Variants in ANTXR2 observed in about 807,000 individuals in gnomAD.
ANTXR2 encodes the protein anthrax toxin receptor 2.
A neutral mutation model predicts 73.7 loss-of-function variants in ANTXR2; 44 were observed. The observed-to-expected ratio is 0.60, with a 90% CI of 0.47 to 0.77. The LOEUF (loss-of-function observed/expected upper bound fraction) is 0.77. Ranked by LOEUF, ANTXR2 falls within the 30% of genes least tolerant of loss-of-function variation. The pLI is 0.00. For missense variants in ANTXR2, 604 were observed against 592.5 expected, an observed-to-expected ratio of 1.02 and a Z score of -0.20; for synonymous variants, 217 against 205.9, an observed-to-expected ratio of 1.05 and a Z score of -0.46.
chr4:80,007,431 GATTGCTTGAA>G (rs1236542018), intron 12 of ANTXR2, among the ~76,000 whole-genome samples: 1 of 152,054 alleles, frequency 6.6e-6, no homozygotes, highest in African/African-American at 2.4e-5. Context: ...ATCTAAATTG[GATTGCTTGAA>G]ATGTGTAGAA....
In ANTXR2 at chr4:79,915,169, G is replaced by A. The variant is rs574208429; in HGVS notation, c.1429-7702C>T. Among the ~76,000 whole-genome samples, 62 of 152,208 alleles carry A rather than the reference G, an allele frequency of 4.1e-4. 1 individual carries two copies. In the South Asian group the frequency reaches 0.013, roughly 31 times the overall value. On this transcript the variant is annotated intron_variant, in intron 16 of 16. Coordinates refer to ENST00000403729, the MANE Select transcript of ANTXR2 (RefSeq NM_058172.6). ...GAATGGAGATGCCCTGAAGAAAAATGTCTGATATTACATTACTACTCTGCA... is the reference window on the plus strand; with the variant it reads ...GAATGGAGATGCCCTGAAGAAAAATATCTGATATTACATTACTACTCTGCA...
chr4:79,920,263 T>C (rs6534650), intron 16 of ANTXR2, among the ~76,000 whole-genome samples: 87,229 of 151,862 alleles, frequency 0.57, 25,373 homozygotes, highest in Non-Finnish European at 0.6. Flanking sequence ...GCAAACGATG[T>C]GTCTGGGACA....
intron 12 of ANTXR2, among the ~76,000 whole-genome samples, chr4:79,995,582 T>C (rs1730685350): frequency 6.6e-6 from 1 of 151,980 alleles, no homozygotes; most frequent in Non-Finnish European, 1.5e-5. Flanking sequence ...TCAATTCTTA[T>C]AAAATGATAA....
intron 16 of ANTXR2, among the ~76,000 whole-genome samples, chr4:79,928,556 C>T (rs1727920839): frequency 6.6e-6 from 1 of 151,972 alleles, no homozygotes. Flanking sequence ...TTATTTATAG[C>T]ATTTTAAAAA....
Position 79,935,451 on chromosome 4 carries a change from G to A in ANTXR2, c.1429-27984C>T, listed in dbSNP as rs1469722015. The stretch of plus-strand genomic sequence containing the variant: ...AAAATAAATTAGTGACAAAGAGTTG[G>A]GGCCAGACTGTCTAGAGAAACATAC... On this transcript the variant is annotated intron_variant, in intron 16 of 16. Transcript: ENST00000403729. 7.9e-5 allele frequency among the ~76,000 whole-genome samples: 12 copies of A among 152,036 alleles called. 1 individual carries two copies.
At chr4:79,909,581 A>G (rs1356202751) in intron 16 of ANTXR2, among the ~76,000 whole-genome samples, 1 of 151,520 alleles carries the variant, frequency 6.6e-6, no homozygotes, top group Non-Finnish European at 1.5e-5. Flanking sequence ...CCTTATTACA[A>G]CTCTTCCAAA....
At chr4:80,003,429 G>A (rs895537484) in intron 12 of ANTXR2, among the ~76,000 whole-genome samples, 1 of 143,706 alleles carries the variant, frequency 7.0e-6, no homozygotes, top group African/African-American at 2.5e-5. Context: ...GGGGAGGGGG[G>A]AAGGATAGCT....
In ANTXR2 at chr4:80,019,023, G is replaced by A. The variant is rs143652954; in HGVS notation, c.867-47C>T. 302 of 1,254,922 alleles carry A rather than the reference G, an allele frequency of 2.4e-4. No homozygotes were observed. In the East Asian group the frequency reaches 6.2e-3, roughly 26 times the overall value. 77.7% of individuals were successfully genotyped at this position (1,254,922 alleles called of 1,614,324 possible). ...AATTTTATATACATTTAAAACCAGA[G>A]GAGTAGGAGATTTTTATTTCCTTAT... On this transcript the variant is annotated intron_variant, in intron 10 of 16. Coordinates refer to ENST00000403729, the MANE Select transcript of ANTXR2 (RefSeq NM_058172.6).
chr4:80,029,370 C>T (rs1028729417), intron 10 of ANTXR2, among the ~76,000 whole-genome samples: 2 of 151,824 alleles, frequency 1.3e-5, no homozygotes, highest in Non-Finnish European at 2.9e-5. Context: ...GTATGGCCCC[C>T]CAAAATAAAA....
Position 79,912,157 on chromosome 4 carries a change from T to G in ANTXR2, c.1429-4690A>C, listed in dbSNP as rs962721957. On this transcript the variant is annotated intron_variant, in intron 16 of 16. Transcript: ENST00000403729. ...TTTAGAAGTAGAATTTATTAAATATTTATAAAAATTAAGGTTCGGCAGAAT... is the reference window on the plus strand; with the variant it reads ...TTTAGAAGTAGAATTTATTAAATATGTATAAAAATTAAGGTTCGGCAGAAT... 3.9e-5 allele frequency among the ~76,000 whole-genome samples: 6 copies of G among 151,902 alleles called. No homozygotes were observed. The South Asian group carries it at 1.2e-3, about 31-fold the overall frequency.
At chr4:80,035,942 A>C in intron 8 of ANTXR2, 30 bp downstream of exon 8, 1 of 1,498,802 alleles carries the variant, frequency 6.7e-7, no homozygotes, top group Non-Finnish European at 9.0e-7. Context: ...ACAATTTCTT[A>C]CATGGTATTT....
chr4:80,063,502 T>C lies in ANTXR2; in HGVS notation c.296+5934A>G, dbSNP rs1437030281. Among the ~76,000 whole-genome samples the C allele has an allele frequency of 3.9e-5, 6 of 152,166 alleles. No homozygotes were observed. In the East Asian group the frequency reaches 1.2e-3, roughly 29 times the overall value. ...CCACATATATATATATAAATTAAAATTGTGAAGGTTTTTTCCACCTTCAAT... is the reference window on the plus strand; with the variant it reads ...CCACATATATATATATAAATTAAAACTGTGAAGGTTTTTTCCACCTTCAAT... On this transcript the variant is annotated intron_variant, in intron 3 of 16. Transcript: ENST00000403729.
intron 16 of ANTXR2, among the ~76,000 whole-genome samples, chr4:79,945,381 C>T (rs1728478393): frequency 6.6e-6 from 1 of 152,050 alleles, no homozygotes; most frequent in Non-Finnish European, 1.5e-5. Context: ...CATCTTACAT[C>T]ATTTTATTAG....
chr4:79,975,269 C>T (rs1278635329), intron 16 of ANTXR2, among the ~76,000 whole-genome samples: 2 of 152,190 alleles, frequency 1.3e-5, no homozygotes, highest in Non-Finnish European at 2.9e-5. Context: ...TTCCTATGCA[C>T]TCAAGAGTAC....
At chr4:80,005,048 T>C (rs1731239883) in intron 12 of ANTXR2, among the ~76,000 whole-genome samples, 1 of 152,196 alleles carries the variant, frequency 6.6e-6, no homozygotes, top group Non-Finnish European at 1.5e-5. Context: ...TAACAAGTGA[T>C]TCAATCATGT....
intron 16 of ANTXR2, among the ~76,000 whole-genome samples, chr4:79,955,280 A>G (rs1187815541): frequency 6.6e-6 from 1 of 152,154 alleles, no homozygotes; most frequent in East Asian, 1.9e-4. Flanking sequence ...GTTATTTTCA[A>G]ATTATTTTAA....
chr4:80,031,926 A>G (rs1044036601), intron 9 of ANTXR2, among the ~76,000 whole-genome samples: 25 of 151,774 alleles, frequency 1.6e-4, no homozygotes, highest in Non-Finnish European at 3.0e-4. Context: ...GACTTAGACT[A>G]AGTTCACATA....
intron 4 of ANTXR2, 105 bp from the exon 5 acceptor site, chr4:80,055,572 G>A: frequency 1.1e-6 from 1 of 923,890 alleles, no homozygotes; most frequent in Non-Finnish European, 1.7e-6. Flanking sequence ...AAATATTACT[G>A]GCTAGCTTTT....
chr4:79,946,177 T>C (rs1430780567), intron 16 of ANTXR2, among the ~76,000 whole-genome samples: 4 of 152,094 alleles, frequency 2.6e-5, no homozygotes, highest in African/African-American at 7.2e-5. Flanking sequence ...TTTAGAAAGA[T>C]TGAAAATTTG....
Sources: allele counts gnomAD v4.1 joint callset (sites outside exome capture counted in the v4.1 genomes callset), GRCh38; gene constraint gnomAD v4.1.1; transcripts MANE v1.5; gene names NCBI Gene and HGNC (gene_info 2026-07-23, HGNC 2026-07-21).